The following ACACB variants were observed in gnomAD, a reference collection of about 807,000 sequenced individuals.
ACACB encodes the protein acetyl-CoA carboxylase beta, also known as acetyl-CoA carboxylase 2.
In ACACB, 209 loss-of-function variants were observed where a neutral mutation model predicts 278.8. The ratio of observed to expected loss-of-function variants is 0.75; its 90% confidence interval spans 0.67 to 0.84. ACACB has a LOEUF of 0.84. Among genes scored for constraint, ACACB ranks in the 40% least tolerant of loss-of-function variants. ACACB has a pLI of 0.00. For missense variants in ACACB, 2,850 were observed against 3,269.0 expected (o/e 0.87, Z 3.13); for synonymous variants, 1,174 against 1,285.6 (o/e 0.91, Z 1.86).
At chr12:109,138,429 A>G (rs1351769205) in intron 1 of ACACB, among the ~76,000 whole-genome samples, 2 of 152,136 alleles carry the variant, frequency 1.3e-5, no homozygotes, top group Non-Finnish European at 2.9e-5. Context: ...AGCATACCCC[A>G]CACTGGGGAT....
At chr12:109,224,667 G>A (rs1182408447) in intron 27 of ACACB, among the ~76,000 whole-genome samples, 1 of 151,614 alleles carries the variant, frequency 6.6e-6, no homozygotes, top group Non-Finnish European at 1.5e-5. Flanking sequence ...CAGTAGCTGG[G>A]CCTACAGGCG....
rs1203811700 is a variant in ACACB at position 109,222,639 on chromosome 12, G to A, written c.3678+19G>A. On this transcript the variant is annotated intron_variant, in intron 25 of 52. Coordinates refer to ENST00000338432, the MANE Select transcript of ACACB (RefSeq NM_001093.4). The stretch of plus-strand genomic sequence containing the variant: ...CCGGCAGGTAGGGTCTCAGGGTGCG[G>A]TCCCCACGATGTGCGTTTCCCCCCA... 3 of 1,603,970 alleles carry A rather than the reference G, an allele frequency of 1.9e-6. No homozygotes were observed. Among genetic ancestry groups the A allele is most frequent in the Admixed American group, 3.3e-5 (2 of 59,982 alleles).
intron 13 of ACACB, among the ~76,000 whole-genome samples, chr12:109,189,254 T>C (rs2044777973): frequency 6.6e-6 from 1 of 152,310 alleles, no homozygotes; most frequent in East Asian, 1.9e-4. Context: ...ACGAATTAAA[T>C]TGAGTTGGGC....
At chr12:109,156,963 C>A (rs2043559608) in intron 2 of ACACB, among the ~76,000 whole-genome samples, 1 of 151,874 alleles carries the variant, frequency 6.6e-6, no homozygotes, top group Admixed American at 6.6e-5. Flanking sequence ...ACTGTGGGGG[C>A]ACTAAGTGGA....
At chr12:109,260,389 A>G (rs2047347485) in intron 47 of ACACB, 91 bp from the exon 48 acceptor site, 3 of 1,510,110 alleles carry the variant, frequency 2.0e-6, no homozygotes, top group African/African-American at 2.8e-5. Context: ...AGCTGGGCTC[A>G]CTCTCCCAGG....
At chr12:109,125,474 G>A (rs140156271) in intron 1 of ACACB, 6 of 152,148 alleles carry the variant, frequency 3.9e-5, no homozygotes, top group Admixed American at 2.0e-4. Flanking sequence ...TTACAAGATC[G>A]CCTTGGCTTC....
intron 52 of ACACB, 54 bp downstream of exon 52, chr12:109,265,579 A>C: frequency 6.3e-7 from 1 of 1,592,440 alleles, no homozygotes. Flanking sequence ...CCGAGCCTGG[A>C]TTGACCCCTA....
At position 109,163,114 on chromosome 12, in the gene ACACB, G is replaced by A. The variant is rs563583328; in HGVS notation, c.654-3747G>A. Reference sequence around the variant, plus strand: ...AATTTTTTGTATTTTTAGTAGAGATGGGGTTTCACCATGTTGTCCATGCTG... The same window carrying A: ...AATTTTTTGTATTTTTAGTAGAGATAGGGTTTCACCATGTTGTCCATGCTG... On this transcript the variant is annotated intron_variant, in intron 2 of 52. Coordinates refer to ENST00000338432, the MANE Select transcript of ACACB (RefSeq NM_001093.4). Among the ~76,000 whole-genome samples, 5 of 152,178 alleles carry A rather than the reference G, an allele frequency of 3.3e-5. 1 individual carries two copies. The highest frequency in any genetic ancestry group is 1.2e-4 in the African/African-American group (5 of 41,536).
chr12:109,130,459 A>G (rs1251106776), intron 1 of ACACB, among the ~76,000 whole-genome samples: 2 of 152,192 alleles, frequency 1.3e-5, no homozygotes, highest in African/African-American at 4.8e-5. Context: ...ATATAGCGGA[A>G]GAACTGGCCT....
rs559152258 is a variant in ACACB at position 109,156,122 on chromosome 12, G to A, written c.654-10739G>A. 2.2e-4 allele frequency among the ~76,000 whole-genome samples: 34 copies of A among 152,352 alleles called. 1 individual carries two copies. The highest frequency in any genetic ancestry group is 7.7e-4 in the African/African-American group (32 of 41,584). On this transcript the variant is annotated intron_variant, in intron 2 of 52. Transcript: ENST00000338432. ...AGCCTGTAGTCCCAAATACTCAGGA[G>A]GCTGAGGAGGGAGGATGCTTTTGCC...
In ACACB at chr12:109,199,529, G is replaced by A; in HGVS notation, c.2755G>A (p.Gly919Arg). 1 of 1,504,946 alleles carries A rather than the reference G, an allele frequency of 6.6e-7. No homozygotes were observed. The highest frequency in any genetic ancestry group is 1.3e-5 in the South Asian group (1 of 74,276). The allele number at this position is 1,504,946 out of a possible 1,614,324, so 93.2% of individuals were successfully genotyped here. ...GGAGGATGGGGGCCACGTTGAGGCTGGGAGCAGCTACGCTGAGATGGAGGT... is the reference window on the plus strand; with the variant it reads ...GGAGGATGGGGGCCACGTTGAGGCTAGGAGCAGCTACGCTGAGATGGAGGT... Reference protein sequence around the residue: ...TVEDGGHVEAGSSYAEMEVMK... With the variant: ...TVEDGGHVEARSSYAEMEVMK... The change falls in exon 18 of 53, where the codon GGG becomes AGG. Residue 919 changes from glycine (G) to arginine (R), a missense_variant. By Grantham distance (125) the Gly-to-Arg change is moderately radical (BLOSUM62 -2). This residue lies in a region of ACACB where 2,265 missense variants were observed against 2,561.3 expected (regional missense o/e 0.88). Transcript: ENST00000338432.
rs887132433 is a variant in ACACB at position 109,133,974 on chromosome 12, A to G, written c.-9-5423A>G. On this transcript the variant is annotated intron_variant, in intron 1 of 52. Coordinates refer to ENST00000338432, the MANE Select transcript of ACACB (RefSeq NM_001093.4). ...CACTTGGTTGCCCAGGCTGGAGTGC[A>G]TTGGTGCCATCATGGCTCACTGTAG... 4.1e-5 allele frequency among the ~76,000 whole-genome samples: 6 copies of G among 145,778 alleles called. No individual in the cohort carries two copies. The South Asian group carries it at 6.5e-4, about 16-fold the overall frequency.
At chr12:109,167,675 T>G (rs2043965155) in intron 3 of ACACB, among the ~76,000 whole-genome samples, 1 of 127,532 alleles carries the variant, frequency 7.8e-6, no homozygotes, top group South Asian at 2.7e-4. Context: ...CAGCCATCCA[T>G]CCATCCATCC....
chr12:109,224,327 C>G (rs1210402634), intron 27 of ACACB, among the ~76,000 whole-genome samples: 1 of 151,698 alleles, frequency 6.6e-6, no homozygotes, highest in African/African-American at 2.4e-5. Context: ...ACTGCCAGAG[C>G]TAGAGGAGCC....
chr12:109,152,649 T>TC (rs1335419346), intron 2 of ACACB, among the ~76,000 whole-genome samples: 4 of 141,656 alleles, frequency 2.8e-5, no homozygotes, highest in Admixed American at 1.4e-4. Flanking sequence ...TCTTTTTTTT[T>TC]TTTTTTTTTT....
chr12:109,191,411 G>T (rs1248884181), intron 13 of ACACB: 3 of 475,942 alleles, frequency 6.3e-6, no homozygotes, highest in Non-Finnish European at 1.1e-5. Flanking sequence ...ATGGGGTTTC[G>T]CCATGTTGGC....
At chr12:109,206,445 C>A (rs1406168390) in intron 19 of ACACB, among the ~76,000 whole-genome samples, 187 of 99,946 alleles carry the variant, frequency 1.9e-3, no homozygotes, top group African/African-American at 3.9e-3. Context: ...AAAAAAAAAA[C>A]AGATCTCACC....
At chr12:109,206,068 T>C (rs1015971920) in intron 19 of ACACB, among the ~76,000 whole-genome samples, 2 of 152,136 alleles carry the variant, frequency 1.3e-5, no homozygotes, top group Non-Finnish European at 2.9e-5. Flanking sequence ...GGTGTTTAAC[T>C]TTGGGATTCA....
At chr12:109,255,686 C>A (rs1396084412) in intron 44 of ACACB, among the ~76,000 whole-genome samples, 2 of 152,338 alleles carry the variant, frequency 1.3e-5, no homozygotes, top group East Asian at 3.9e-4. Flanking sequence ...CTCTCTCTGT[C>A]TCTCTGGGAA....
Sources: gnomAD v4.1 joint callset for allele counts (sites outside exome capture counted in the v4.1 genomes callset) on GRCh38, gnomAD v4.1.1 for gene constraint, gnomAD v4.1.1 regional missense constraint, MANE v1.5 for transcripts, NCBI Gene and HGNC (gene_info 2026-07-23, HGNC 2026-07-21) for gene names.